Variants in SGCZ observed in about 807,000 individuals in gnomAD.
SGCZ encodes zeta-sarcoglycan.
A neutral mutation model predicts 41.3 loss-of-function variants in SGCZ; 40 were observed. That is an observed-to-expected ratio of 0.97 (90% CI 0.75 to 1.26). The LOEUF is 1.26. SGCZ is among the 50% of genes most tolerant of loss of function. SGCZ has a pLI of 0.00. For synonymous variants in SGCZ, 206 were observed against 137.5 expected (o/e 1.50, Z -3.49); for missense variants, 552 against 369.8 (o/e 1.49, Z -4.04).
chr8:14,658,607 T>G (rs1807650202), intron 1 of SGCZ, among the ~76,000 whole-genome samples: 1 of 152,192 alleles, frequency 6.6e-6, no homozygotes, highest in African/African-American at 2.4e-5. Context: ...CCAGATCTCT[T>G]GAGTCCTGCT....
intron 1 of SGCZ, among the ~76,000 whole-genome samples, chr8:14,576,348 AG>A (rs1452460612): frequency 6.6e-6 from 1 of 152,070 alleles, no homozygotes; most frequent in Non-Finnish European, 1.5e-5. Flanking sequence ...CCTCTAAAGG[AG>A]GGAAAAAAAA....
At chr8:15,121,502 C>CA (rs1807474966) in intron 1 of SGCZ, among the ~76,000 whole-genome samples, 2 of 152,058 alleles carry the variant, frequency 1.3e-5, no homozygotes, top group Non-Finnish European at 2.9e-5. Context: ...CAGTGCTAGG[C>CA]AAAAAACCCA....
intron 1 of SGCZ, among the ~76,000 whole-genome samples, chr8:14,633,650 C>G (rs1020426837): frequency 1.3e-5 from 2 of 151,820 alleles, no homozygotes; most frequent in Non-Finnish European, 2.9e-5. Flanking sequence ...GAAGTCATAA[C>G]AGATCTTCTT....
chr8:15,217,580 C>T (rs1407691101), intron 1 of SGCZ, among the ~76,000 whole-genome samples: 1 of 152,046 alleles, frequency 6.6e-6, no homozygotes, highest in Admixed American at 6.6e-5. Flanking sequence ...TCTTGCCCCC[C>T]CTTGTCCCAA....
intron 2 of SGCZ, among the ~76,000 whole-genome samples, chr8:14,483,507 G>A (rs1801590155): frequency 6.6e-6 from 1 of 152,172 alleles, no homozygotes; most frequent in Non-Finnish European, 1.5e-5. Context: ...GGAAGTCAAG[G>A]CTATAGTGAA....
At chr8:14,741,921 A>C (rs1799208195) in intron 1 of SGCZ, among the ~76,000 whole-genome samples, 1 of 152,052 alleles carries the variant, frequency 6.6e-6, no homozygotes, top group Non-Finnish European at 1.5e-5. Context: ...TCCAACTCCC[A>C]TATAAACTTA....
At chr8:15,169,940 A>G (rs1190092905) in intron 1 of SGCZ, among the ~76,000 whole-genome samples, 1 of 152,214 alleles carries the variant, frequency 6.6e-6, no homozygotes, top group Non-Finnish European at 1.5e-5. Flanking sequence ...TGAACTACGT[A>G]ATTTCATCAT....
At chr8:15,143,224 T>G (rs571495187) in intron 1 of SGCZ, among the ~76,000 whole-genome samples, 1 of 152,340 alleles carries the variant, frequency 6.6e-6, no homozygotes, top group African/African-American at 2.4e-5. Context: ...AATAAAAGTC[T>G]AGTTCTCCAG....
intron 5 of SGCZ, among the ~76,000 whole-genome samples, chr8:14,110,304 T>G (rs1802333459): frequency 6.6e-6 from 1 of 152,168 alleles, no homozygotes; most frequent in South Asian, 2.1e-4. Context: ...GATAACTATT[T>G]CATGATTATG....
At chr8:14,275,710 G>A (rs1800206614) in intron 3 of SGCZ, among the ~76,000 whole-genome samples, 1 of 152,126 alleles carries the variant, frequency 6.6e-6, no homozygotes, top group South Asian at 2.1e-4. Context: ...ATTCAGTGAA[G>A]ACAACAGCCA....
chr8:14,437,875 G>C (rs924457940), intron 2 of SGCZ, among the ~76,000 whole-genome samples: 6 of 151,610 alleles, frequency 4.0e-5, no homozygotes. Flanking sequence ...ATCATATGAA[G>C]TAATATCTCA....
intron 2 of SGCZ, among the ~76,000 whole-genome samples, chr8:14,334,360 T>G (rs1383772182): frequency 6.6e-6 from 1 of 152,030 alleles, no homozygotes; most frequent in South Asian, 2.1e-4. Flanking sequence ...AACTGACATA[T>G]TTTTTTCCTC....
intron 1 of SGCZ, among the ~76,000 whole-genome samples, chr8:14,583,306 T>A (rs548380087): frequency 6.6e-6 from 1 of 152,120 alleles, no homozygotes; most frequent in African/African-American, 2.4e-5. Context: ...ATAAATGTCT[T>A]CTTTTGAGAA....
chr8:14,647,340 T>C (rs530348539), intron 1 of SGCZ, among the ~76,000 whole-genome samples: 34 of 152,012 alleles, frequency 2.2e-4, no homozygotes, highest in African/African-American at 7.5e-4. Context: ...GAGAAGAAAA[T>C]AGGCTTTATT....
At chr8:14,952,941 C>A (rs1800685999) in intron 1 of SGCZ, among the ~76,000 whole-genome samples, 1 of 151,996 alleles carries the variant, frequency 6.6e-6, no homozygotes. Flanking sequence ...ATCAACACTG[C>A]AAAATTCTAG....
chr8:14,355,289 A>T (rs552571496), intron 2 of SGCZ, among the ~76,000 whole-genome samples: 24 of 152,144 alleles, frequency 1.6e-4, no homozygotes, highest in African/African-American at 5.5e-4. Flanking sequence ...GTATTTAAAA[A>T]CTCAAAGTCT....
chr8:15,080,908 A>T (rs532945844), intron 1 of SGCZ, among the ~76,000 whole-genome samples: 1 of 152,062 alleles, frequency 6.6e-6, no homozygotes, highest in South Asian at 2.1e-4. Flanking sequence ...GATGTCTTGA[A>T]AGGAAGGAGA....
chr8:14,434,709 AT>A lies in SGCZ; in HGVS notation c.235-110506del, dbSNP rs1191752860. On this transcript the variant is annotated intron_variant, in intron 2 of 7. Transcript: ENST00000382080. ...TCCTTGGCTAGGTATAGTTCCAAAT[AT>A]TTTAATTTTTTTTGCAACAGCTATT... Among the ~76,000 whole-genome samples, 7 of 152,058 alleles carry A rather than the reference AT, an allele frequency of 4.6e-5. No homozygotes were observed. The East Asian group carries it at 1.4e-3, about 29-fold the overall frequency.
At chr8:14,729,426 T>A (rs949944666) in intron 1 of SGCZ, among the ~76,000 whole-genome samples, 4 of 152,194 alleles carry the variant, frequency 2.6e-5, no homozygotes, top group Non-Finnish European at 5.9e-5. Context: ...CAGGACCTTT[T>A]AAAGAGGTAA....
Sources: allele counts gnomAD v4.1 joint callset (sites outside exome capture counted in the v4.1 genomes callset), GRCh38; gene constraint gnomAD v4.1.1; transcripts MANE v1.5; gene names NCBI Gene and HGNC (gene_info 2026-07-23, HGNC 2026-07-21).